Variants in SLC2A9 observed in about 807,000 individuals in gnomAD.
SLC2A9 encodes solute carrier family 2 member 9, also known as solute carrier family 2, facilitated glucose transporter member 9.
A neutral mutation model predicts 50.6 loss-of-function variants in SLC2A9; 39 were observed. The ratio of observed to expected loss-of-function variants is 0.77; its 90% CI spans 0.60 to 1.01. SLC2A9 has a LOEUF of 1.01. SLC2A9 is among the 50% of genes least tolerant of loss of function. The pLI is 0.00. For synonymous variants in SLC2A9, 324 were observed against 276.9 expected (o/e 1.17, Z -1.69); for missense variants, 686 against 677.6 (o/e 1.01, Z -0.14).
intron 10 of SLC2A9, among the ~76,000 whole-genome samples, chr4:9,836,088 C>CAAAA (rs35303241): frequency 0.035 from 1,689 of 47,978 alleles, 70 homozygotes; most frequent in African/African-American, 0.054. Context: ...AACTCCCTCT[C>CAAAA]AAAAAAAAAA....
chr4:9,933,176 A>G (rs965280901), intron 6 of SLC2A9, among the ~76,000 whole-genome samples: 5 of 152,206 alleles, frequency 3.3e-5, no homozygotes, highest in Admixed American at 1.3e-4. Context: ...AAGGAGGACA[A>G]AGTTTGACAC....
intron 2 of SLC2A9, among the ~76,000 whole-genome samples, chr4:10,000,175 G>A (rs7662439): frequency 0.16 from 24,374 of 152,118 alleles, 2,453 homozygotes; most frequent in South Asian, 0.26. Context: ...ATTATCAATA[G>A]CTACAGCTAT....
chr4:9,844,343 GATTA>G (rs1352179081), intron 10 of SLC2A9, among the ~76,000 whole-genome samples: 1 of 151,974 alleles, frequency 6.6e-6, no homozygotes, highest in Non-Finnish European at 1.5e-5. Flanking sequence ...AATACGTGCT[GATTA>G]ATTGAGTATT....
chr4:9,968,107 A>T (rs1753329851), intron 5 of SLC2A9, among the ~76,000 whole-genome samples: 1 of 152,274 alleles, frequency 6.6e-6, no homozygotes, highest in East Asian at 1.9e-4. Flanking sequence ...TTAATTGTAA[A>T]AATTTTCAGC....
At chr4:10,026,729 A>C (rs1763765305) in intron 1 of SLC2A9, among the ~76,000 whole-genome samples, 1 of 152,204 alleles carries the variant, frequency 6.6e-6, no homozygotes, top group African/African-American at 2.4e-5. Context: ...TGCACCTTGA[A>C]AACATTCTGC....
Position 9,961,670 on chromosome 4 carries a change from C to T in SLC2A9, c.681+18922G>A, listed in dbSNP as rs533552553. ...ATAGGCATGGGCAAAGATTTCATGA[C>T]AAAAACATCAAAAGCAAAAATTGAC... On this transcript the variant is annotated intron_variant, in intron 5 of 11. Coordinates refer to ENST00000264784, the MANE Select transcript of SLC2A9 (RefSeq NM_020041.3). Among the ~76,000 whole-genome samples the T allele has an allele frequency of 1.8e-4, 28 of 152,152 alleles. No homozygotes were observed. In the South Asian group the frequency reaches 5.0e-3, roughly 27 times the overall value.
chr4:9,948,205 G>C (rs1442481745), intron 5 of SLC2A9, among the ~76,000 whole-genome samples: 3 of 152,104 alleles, frequency 2.0e-5, no homozygotes, highest in Admixed American at 1.3e-4. Flanking sequence ...TTTGAGGCAA[G>C]CCCTCCTCTC....
intron 8 of SLC2A9, among the ~76,000 whole-genome samples, chr4:9,900,106 T>A (rs535942173): frequency 6.6e-6 from 1 of 152,320 alleles, no homozygotes; most frequent in East Asian, 1.9e-4. Flanking sequence ...ACACTGGATG[T>A]CCAGATGACT....
At chr4:9,771,143 G>A (rs1203426381), downstream of SLC2A9, 1 of 202,556 alleles carries the variant, frequency 4.9e-6, no homozygotes, top group African/African-American at 2.3e-5. Flanking sequence ...CATTCAGTCA[G>A]AAGCCATGGG....
intron 8 of SLC2A9, among the ~76,000 whole-genome samples, chr4:9,897,813 G>A (rs747922683): frequency 4.6e-5 from 7 of 152,052 alleles, no homozygotes; most frequent in Non-Finnish European, 7.4e-5. Context: ...AGGTTGAATC[G>A]CTGGAACTGG....
chr4:9,951,103 A>G (rs1642785220), intron 5 of SLC2A9, among the ~76,000 whole-genome samples: 1 of 152,204 alleles, frequency 6.6e-6, no homozygotes, highest in African/African-American at 2.4e-5. Flanking sequence ...GTGTCCATCA[A>G]TGGATGAATA....
intron 7 of SLC2A9, among the ~76,000 whole-genome samples, chr4:9,913,849 C>T (rs1742359984): frequency 6.6e-6 from 1 of 152,232 alleles, no homozygotes; most frequent in South Asian, 2.1e-4. Flanking sequence ...TCCAGCTCCA[C>T]TCAAAATAGA....
intron 3 of SLC2A9, chr4:9,783,341 T>C: frequency 6.2e-7 from 1 of 1,614,260 alleles, no homozygotes; most frequent in South Asian, 1.1e-5. Context: ...CGATCGCATG[T>C]TCCAGATCTA....
At chr4:9,866,821 G>A (rs1732561075) in intron 10 of SLC2A9, among the ~76,000 whole-genome samples, 1 of 152,308 alleles carries the variant, frequency 6.6e-6, no homozygotes, top group East Asian at 1.9e-4. Context: ...GTAAACTGAT[G>A]CATGAGGGTG....
At chr4:9,953,356 C>T (rs1214658799) in intron 5 of SLC2A9, among the ~76,000 whole-genome samples, 1 of 152,252 alleles carries the variant, frequency 6.6e-6, no homozygotes, top group Admixed American at 6.5e-5. Context: ...CAGCCACATG[C>T]TGTTGCTTAA....
At position 9,826,279 on chromosome 4, in the gene SLC2A9, C is replaced by T; in HGVS notation, c.*118G>A. Reference sequence around the variant, plus strand: ...TTAATAATATAAAAGACTTGCATAGCTTCAATTCATTTAAGCTTCCCAATA... The same window carrying T: ...TTAATAATATAAAAGACTTGCATAGTTTCAATTCATTTAAGCTTCCCAATA... On this transcript the variant is annotated 3_prime_UTR_variant, in exon 12 of 12. Coordinates refer to ENST00000264784, the MANE Select transcript of SLC2A9 (RefSeq NM_020041.3). 2 of 846,948 alleles carry T rather than the reference C, an allele frequency of 2.4e-6. No individual in the cohort carries two copies. The highest frequency in any genetic ancestry group is 2.5e-5 in the East Asian group (1 of 39,300). 52.5% of individuals were successfully genotyped at this position (846,948 alleles called of 1,614,324 possible). A position where few individuals can be genotyped will look rare whatever the true frequency, so the allele number is the denominator to read the frequency against.
intron 3 of SLC2A9, among the ~76,000 whole-genome samples, chr4:9,812,172 T>C (rs1044389194): frequency 1.3e-4 from 20 of 152,224 alleles, no homozygotes; most frequent in Non-Finnish European, 2.6e-4. Flanking sequence ...TTCAGCACTT[T>C]TAAAGTTAGT....
intron 2 of SLC2A9, among the ~76,000 whole-genome samples, chr4:10,000,721 G>A (rs1759636916): frequency 6.6e-6 from 1 of 152,120 alleles, no homozygotes; most frequent in Admixed American, 6.6e-5. Context: ...TTCTCTTTAT[G>A]TCCTGCTGGA....
intron 10 of SLC2A9, among the ~76,000 whole-genome samples, chr4:9,859,351 A>T (rs1042079442): frequency 4.6e-5 from 7 of 152,144 alleles, no homozygotes; most frequent in African/African-American, 1.7e-4. Flanking sequence ...TGTGCTGACC[A>T]CCTACAGTGT....
Sources: allele counts gnomAD v4.1 joint callset (sites outside exome capture counted in the v4.1 genomes callset), GRCh38; gene constraint gnomAD v4.1.1; transcripts MANE v1.5; gene names NCBI Gene and HGNC (gene_info 2026-07-23, HGNC 2026-07-21).